The following RBFOX3 variants were observed in gnomAD, a reference collection of about 807,000 sequenced individuals.
The protein encoded by RBFOX3 is RNA binding protein fox-1 homolog 3.
In RBFOX3, 17 loss-of-function variants were observed where a neutral mutation model predicts 48.7. The ratio of observed to expected loss-of-function variants is 0.35; its 90% CI spans 0.24 to 0.52. The LOEUF (loss-of-function observed/expected upper bound fraction) is 0.52, where lower values mean the gene tolerates loss of function less well. RBFOX3 is among the 20% of genes least tolerant of loss of function. RBFOX3 has a pLI of 0.94. For missense variants in RBFOX3, 382 were observed against 497.5 expected (o/e 0.77, Z 2.21); for synonymous variants, 212 against 209.5 (o/e 1.01, Z -0.10).
intron 2 of RBFOX3, among the ~76,000 whole-genome samples, chr17:79,389,995 GT>G (rs1285949722): frequency 1.3e-4 from 15 of 113,344 alleles, no homozygotes; most frequent in African/African-American, 3.2e-5. Context: ...CAGCCTCCAG[GT>G]CTCCGCAGCC....
At chr17:79,494,949 C>G (rs918656928) in intron 1 of RBFOX3, among the ~76,000 whole-genome samples, 49 of 152,286 alleles carry the variant, frequency 3.2e-4, no homozygotes, top group Admixed American at 9.2e-4. Flanking sequence ...AGCTGGGCCC[C>G]GAGGAGGACT....
At chr17:79,223,690 G>A (rs553623058) in intron 4 of RBFOX3, among the ~76,000 whole-genome samples, 3 of 152,318 alleles carry the variant, frequency 2.0e-5, no homozygotes, top group Non-Finnish European at 2.9e-5. Flanking sequence ...GATGAAGGGA[G>A]AAGAAAGAGG....
chr17:79,664,243 C>T, the RBFOX3 span, among the ~76,000 whole-genome samples: 1 of 151,858 alleles, frequency 6.6e-6, no homozygotes, highest in African/African-American at 2.4e-5. Flanking sequence ...GGCGCAATCT[C>T]AGCTCACTGC....
rs2064040223 is a variant in RBFOX3 at position 79,252,029 on chromosome 17, A to G, written c.-73-16224T>C. ...GCCTGAGCCAGCCTTGTCTTTCTCC[A>G]TCTCTCAGCAGGGAATGAGTCTGCT... On this transcript the variant is annotated intron_variant, in intron 3 of 14. Coordinates refer to ENST00000693108, the MANE Select transcript of RBFOX3 (RefSeq NM_001350451.2). The surrounding 1 kb of genome is among the most constrained non-coding windows in gnomAD (Gnocchi z 4.0). Among the ~76,000 whole-genome samples the G allele has an allele frequency of 6.6e-6, 1 of 152,008 alleles. No individual in the cohort carries two copies. Among genetic ancestry groups the G allele is most frequent in the East Asian group, 1.9e-4 (1 of 5,160 alleles).
chr17:79,655,013 T>C, the RBFOX3 span, among the ~76,000 whole-genome samples: 1 of 152,172 alleles, frequency 6.6e-6, no homozygotes. Context: ...GACTGGACCA[T>C]GCCATTAGCA....
At chr17:79,540,535 C>T (rs559240205) in intron 1 of RBFOX3, among the ~76,000 whole-genome samples, 1 of 152,352 alleles carries the variant, frequency 6.6e-6, no homozygotes, top group East Asian at 1.9e-4. Flanking sequence ...GATGGTCCTC[C>T]CACTGCCAGG....
chr17:79,401,006 G>T (rs561277092), intron 2 of RBFOX3, among the ~76,000 whole-genome samples: 2 of 152,324 alleles, frequency 1.3e-5, no homozygotes, highest in South Asian at 4.1e-4. Flanking sequence ...AGAAAAACAC[G>T]TCGTCACAAC....
At chr17:79,269,666 C>A (rs974959377) in intron 3 of RBFOX3, among the ~76,000 whole-genome samples, 4 of 152,104 alleles carry the variant, frequency 2.6e-5, no homozygotes, top group African/African-American at 7.2e-5. Context: ...CCACTGTCAG[C>A]TCCCTGCACC....
chr17:79,493,867 C>T (rs377113430), intron 1 of RBFOX3, among the ~76,000 whole-genome samples: 3,612 of 152,226 alleles, frequency 0.024, 54 homozygotes, highest in South Asian at 0.052. Context: ...ACACACCCGC[C>T]GCGGCAGTAG....
chr17:79,169,285 C>T (rs1324161317), intron 4 of RBFOX3, among the ~76,000 whole-genome samples: 1 of 152,164 alleles, frequency 6.6e-6, no homozygotes, highest in Non-Finnish European at 1.5e-5. Context: ...CTTTTTCACA[C>T]ACCTTAGGCA....
chr17:79,182,278 A>G (rs565784464), intron 4 of RBFOX3, among the ~76,000 whole-genome samples: 82 of 152,252 alleles, frequency 5.4e-4, no homozygotes, highest in Admixed American at 1.1e-3. Context: ...CTGCAGGCCC[A>G]AGCAGAGGGT....
At chr17:79,455,865 GC>G (rs2074385804) in intron 2 of RBFOX3, among the ~76,000 whole-genome samples, 1 of 152,110 alleles carries the variant, frequency 6.6e-6, no homozygotes, top group African/African-American at 2.4e-5. Flanking sequence ...TCCCCCGAGG[GC>G]CACCCAGGTG....
chr17:79,539,409 T>C (rs1175931134), intron 1 of RBFOX3, among the ~76,000 whole-genome samples: 2 of 152,142 alleles, frequency 1.3e-5, no homozygotes, highest in Non-Finnish European at 2.9e-5. Flanking sequence ...AATCACATAG[T>C]GTGGAGGCAT....
intron 4 of RBFOX3, among the ~76,000 whole-genome samples, chr17:79,139,202 C>A (rs1367220543): frequency 6.6e-6 from 1 of 152,208 alleles, no homozygotes; most frequent in African/African-American, 2.4e-5. Flanking sequence ...CCAGTTCACA[C>A]ACTCACCTAA....
At chr17:79,488,890 C>T (rs1017503479) in intron 1 of RBFOX3, among the ~76,000 whole-genome samples, 4 of 152,244 alleles carry the variant, frequency 2.6e-5, no homozygotes, top group African/African-American at 7.2e-5. Flanking sequence ...GATGGTCACA[C>T]ATGGGCTTGT....
intron 2 of RBFOX3, among the ~76,000 whole-genome samples, chr17:79,370,795 C>T (rs1453357779): frequency 2.6e-5 from 4 of 152,200 alleles, no homozygotes; most frequent in African/African-American, 7.2e-5. Context: ...TACACCTTGA[C>T]TTGCAGTCAC....
intron 4 of RBFOX3, among the ~76,000 whole-genome samples, chr17:79,162,396 G>C (rs947157578): frequency 6.6e-6 from 1 of 152,082 alleles, no homozygotes; most frequent in African/African-American, 2.4e-5. Flanking sequence ...GGAGTGCCGC[G>C]CCCAGCCCTG....
At chr17:79,305,180 A>G (rs2075924385) in intron 3 of RBFOX3, among the ~76,000 whole-genome samples, 1 of 152,006 alleles carries the variant, frequency 6.6e-6, no homozygotes, top group African/African-American at 2.4e-5. Context: ...CCTGAAGATC[A>G]GGCAGTTGAA....
At position 79,547,598 on chromosome 17, in the gene RBFOX3, A is replaced by C. The variant is rs140621890; in HGVS notation, c.-320+63228T>G. On this transcript the variant is annotated intron_variant, in intron 1 of 14. Transcript: ENST00000693108. The stretch of plus-strand genomic sequence containing the variant: ...GGAGCTGAGTCCACTCACCCAAACA[A>C]ACACACACCCCCAGCACACATGAGA... 2.4e-3 allele frequency among the ~76,000 whole-genome samples: 366 copies of C among 152,236 alleles called. 6 individuals are homozygous for C. Among genetic ancestry groups the C allele is most frequent in the African/African-American group, 8.3e-3 (343 of 41,528 alleles).
Sources: gnomAD v4.1 joint callset for allele counts (sites outside exome capture counted in the v4.1 genomes callset) on GRCh38, gnomAD v4.1.1 for gene constraint, Gnocchi (gnomAD v3.1) non-coding constraint, MANE v1.5 for transcripts, NCBI Gene and HGNC (gene_info 2026-07-23, HGNC 2026-07-21) for gene names.